The following PAK5 variants were observed in gnomAD, a reference collection of about 807,000 sequenced individuals.
PAK5 encodes serine/threonine-protein kinase PAK 5.
A neutral mutation model predicts 65.9 loss-of-function variants in PAK5; 16 were observed. That is an observed-to-expected ratio of 0.24 (90% CI 0.16 to 0.37). The LOEUF (loss-of-function observed/expected upper bound fraction) is 0.37, where lower values mean the gene tolerates loss of function less well. PAK5 is among the 10% of genes least tolerant of loss of function. PAK5 has a pLI of 1.00. For missense variants in PAK5, 785 were observed against 903.9 expected (o/e 0.87, Z 1.69); for synonymous variants, 371 against 354.9 (o/e 1.05, Z -0.51).
At chr20:9,683,797 C>A (rs556820352) in intron 2 of PAK5, among the ~76,000 whole-genome samples, 2 of 152,154 alleles carry the variant, frequency 1.3e-5, no homozygotes, top group Non-Finnish European at 2.9e-5. Flanking sequence ...TAGCTCACTG[C>A]AGCCTTGACT....
intron 2 of PAK5, among the ~76,000 whole-genome samples, chr20:9,662,915 A>C (rs1388153673): frequency 6.6e-6 from 1 of 152,196 alleles, no homozygotes; most frequent in African/African-American, 2.4e-5. Flanking sequence ...ATTCATGTCA[A>C]ACTCCTCTGG....
At chr20:9,698,148 G>T (rs2047893620) in intron 2 of PAK5, among the ~76,000 whole-genome samples, 1 of 152,098 alleles carries the variant, frequency 6.6e-6, no homozygotes, top group Non-Finnish European at 1.5e-5. Context: ...ATAATGCTTA[G>T]AAACCTTTCT....
intron 1 of PAK5, among the ~76,000 whole-genome samples, chr20:9,816,723 A>G (rs992013620): frequency 2.6e-5 from 4 of 152,198 alleles, no homozygotes; most frequent in Non-Finnish European, 5.9e-5. Flanking sequence ...TGCAGATAGC[A>G]GATCATGGGA....
chr20:9,691,054 C>T (rs1442998001), intron 2 of PAK5, among the ~76,000 whole-genome samples: 1 of 152,064 alleles, frequency 6.6e-6, no homozygotes, highest in Non-Finnish European at 1.5e-5. Flanking sequence ...GGTACCCAGC[C>T]TTCCTCAGCA....
At chr20:9,790,267 T>C (rs910114469) in intron 1 of PAK5, among the ~76,000 whole-genome samples, 8 of 152,076 alleles carry the variant, frequency 5.3e-5, no homozygotes, top group Non-Finnish European at 1.0e-4. Flanking sequence ...ATGCCATAAT[T>C]AAGGTATAGC....
chr20:9,761,488 T>G (rs896375017), intron 1 of PAK5, among the ~76,000 whole-genome samples: 10 of 152,114 alleles, frequency 6.6e-5, no homozygotes, highest in Admixed American at 6.6e-4. Flanking sequence ...AAATTTTGCA[T>G]CAAAATTCTA....
chr20:9,642,866 C>T (rs2047087946), intron 3 of PAK5, among the ~76,000 whole-genome samples: 1 of 152,020 alleles, frequency 6.6e-6, no homozygotes, highest in South Asian at 2.1e-4. Flanking sequence ...GAAATTCTAC[C>T]AGAAAATCAA....
At chr20:9,657,853 C>A (rs1166657031) in intron 2 of PAK5, among the ~76,000 whole-genome samples, 2 of 152,174 alleles carry the variant, frequency 1.3e-5, no homozygotes, top group Admixed American at 6.5e-5. Flanking sequence ...GAAACAAAAG[C>A]AGCTCCTGTG....
intron 3 of PAK5, among the ~76,000 whole-genome samples, chr20:9,584,024 C>T (rs544346815): frequency 4.1e-4 from 63 of 152,194 alleles, no homozygotes; most frequent in African/African-American, 1.5e-3. Context: ...GAGGGTGGTG[C>T]ATAAATTGAT....
chr20:9,635,098 G>T (rs1202052677), intron 3 of PAK5, among the ~76,000 whole-genome samples: 1 of 151,974 alleles, frequency 6.6e-6, no homozygotes, highest in Non-Finnish European at 1.5e-5. Context: ...CTTTTACTTT[G>T]CAATGAAATT....
intron 3 of PAK5, among the ~76,000 whole-genome samples, chr20:9,602,984 G>C (rs1415931512): frequency 6.6e-6 from 1 of 152,214 alleles, no homozygotes; most frequent in African/African-American, 2.4e-5. Flanking sequence ...GGTTTAGACA[G>C]AGGTGGCTTT....
chr20:9,743,994 T>C (rs186251897), intron 1 of PAK5, among the ~76,000 whole-genome samples: 6 of 152,260 alleles, frequency 3.9e-5, no homozygotes, highest in Admixed American at 1.3e-4. Context: ...ACAGAGGAGA[T>C]AGCAATGTGA....
intron 1 of PAK5, among the ~76,000 whole-genome samples, chr20:9,722,248 C>T (rs1361367704): frequency 6.6e-6 from 1 of 152,032 alleles, no homozygotes; most frequent in Non-Finnish European, 1.5e-5. Context: ...GTACAAATGT[C>T]CTGAGGTTAT....
intron 1 of PAK5, among the ~76,000 whole-genome samples, chr20:9,799,055 T>C (rs1452467216): frequency 1.3e-5 from 2 of 152,140 alleles, no homozygotes; most frequent in Admixed American, 6.6e-5. Context: ...ACCATGATTA[T>C]ACTGATGATC....
chr20:9,650,868 AC>A (rs1297691871), intron 2 of PAK5, among the ~76,000 whole-genome samples: 2 of 149,894 alleles, frequency 1.3e-5, no homozygotes, highest in Non-Finnish European at 3.0e-5. Flanking sequence ...CCATATGGAG[AC>A]CCCCGTTTCT....
At chr20:9,555,852 TGTGA>T (rs1480215140) in intron 7 of PAK5, among the ~76,000 whole-genome samples, 5 of 152,200 alleles carry the variant, frequency 3.3e-5, no homozygotes, top group African/African-American at 1.2e-4. Flanking sequence ...ACAGGTATCA[TGTGA>T]GTAAGTCCAG....
At chr20:9,708,258 T>C (rs1490345999) in intron 2 of PAK5, among the ~76,000 whole-genome samples, 1 of 152,262 alleles carries the variant, frequency 6.6e-6, no homozygotes, top group Middle Eastern at 3.4e-3. Context: ...CAAACTCGGG[T>C]TTGAATCTCA....
chr20:9,794,389 G>T (rs907499056), intron 1 of PAK5, among the ~76,000 whole-genome samples: 9 of 152,018 alleles, frequency 5.9e-5, no homozygotes, highest in South Asian at 2.1e-4. Context: ...TGATGGAGGA[G>T]CTGGAAAGTG....
At chr20:9,658,793 T>G (rs1379389176) in intron 2 of PAK5, among the ~76,000 whole-genome samples, 1 of 152,196 alleles carries the variant, frequency 6.6e-6, no homozygotes, top group African/African-American at 2.4e-5. Context: ...GCAGAACATT[T>G]TTTTAATTAA....
Sources: allele counts gnomAD v4.1 joint callset (sites outside exome capture counted in the v4.1 genomes callset), GRCh38; gene constraint gnomAD v4.1.1; transcripts MANE v1.5; gene names NCBI Gene and HGNC (gene_info 2026-07-23, HGNC 2026-07-21).